The following VAPB variants were observed in gnomAD, a reference collection of about 807,000 sequenced individuals.
The protein encoded by VAPB is VAMP associated protein B and C.
A neutral mutation model predicts 25.6 loss-of-function variants in VAPB; 7 were observed. That is an observed-to-expected ratio of 0.27 (90% CI 0.16 to 0.51). The LOEUF is 0.51. Ranked by LOEUF, VAPB falls within the 20% of genes least tolerant of loss-of-function variation. The pLI is 0.97. For synonymous variants in VAPB, 112 were observed against 109.2 expected (o/e 1.03, Z -0.16); for missense variants, 266 against 301.3 (o/e 0.88, Z 0.87).
chr20:58,441,452 C>T (rs368785741), intron 5 of VAPB, among the ~76,000 whole-genome samples: 9 of 152,278 alleles, frequency 5.9e-5, no homozygotes, highest in East Asian at 1.9e-4. Context: ...CCAGCCTGGC[C>T]AACAAAGTGA....
In VAPB at chr20:58,446,266, T is replaced by G; in HGVS notation, c.*2031T>G. 2.2e-6 allele frequency: 1 copy of G among 454,108 alleles called. No homozygotes were observed. The highest frequency in any genetic ancestry group is 4.4e-6 in the Non-Finnish European group (1 of 226,796). The allele number at this position is 454,108 out of a possible 1,614,324, so 28.1% of individuals were successfully genotyped here. On this transcript the variant is annotated 3_prime_UTR_variant, in exon 6 of 6. Coordinates refer to ENST00000475243, the MANE Select transcript of VAPB (RefSeq NM_004738.5). Reference sequence around the variant, plus strand: ...AAGACCGAGCTGTAAGGCATGTGCCTTCTGCCACCTGACTTTCCGTGAGGG... The same window carrying G: ...AAGACCGAGCTGTAAGGCATGTGCCGTCTGCCACCTGACTTTCCGTGAGGG...
chr20:58,414,567 C>CT, intron 1 of VAPB, among the ~76,000 whole-genome samples: 1 of 148,760 alleles, frequency 6.7e-6, no homozygotes, highest in South Asian at 2.1e-4. Flanking sequence ...CGGGCAGAGG[C>CT]GCTCCTCACA....
intron 1 of VAPB, among the ~76,000 whole-genome samples, chr20:58,404,285 C>T (rs56309338): frequency 0.11 from 16,478 of 152,228 alleles, 997 homozygotes; most frequent in Middle Eastern, 0.17. Context: ...CGCATCTTTC[C>T]AGCCTCAGCT....
At chr20:58,416,137 A>G (rs915544897) in intron 1 of VAPB, among the ~76,000 whole-genome samples, 9 of 152,160 alleles carry the variant, frequency 5.9e-5, no homozygotes, top group Non-Finnish European at 1.3e-4. Context: ...TGGAGGGAGA[A>G]ATCTGGGATG....
chr20:58,424,167 G>C (rs996003002), intron 2 of VAPB, among the ~76,000 whole-genome samples: 3 of 152,162 alleles, frequency 2.0e-5, no homozygotes, highest in African/African-American at 7.2e-5. Context: ...GAAGCCAAAA[G>C]TGATTTTCTT....
At chr20:58,440,872 C>T (rs766739004) in intron 4 of VAPB, 35 bp from the exon 5 acceptor site, 24 of 1,602,794 alleles carry the variant, frequency 1.5e-5, no homozygotes, top group East Asian at 1.3e-4. Flanking sequence ...ATTACATGGT[C>T]GGTGACACTT....
chr20:58,447,056 G>A lies in VAPB; in HGVS notation c.*2821G>A. The A allele has an allele frequency of 2.2e-6, 1 of 454,074 alleles. No homozygotes were observed. The highest frequency in any genetic ancestry group is 4.4e-6 in the Non-Finnish European group (1 of 226,762). The allele number at this position is 454,074 out of a possible 1,614,324, so 28.1% of individuals were successfully genotyped here. On this transcript the variant is annotated 3_prime_UTR_variant, in exon 6 of 6. Transcript: ENST00000475243. The stretch of plus-strand genomic sequence containing the variant: ...GAGGATGCCGCTGGGCAGTGTGCAT[G>A]GGGGAGCTGCTGCCAGGCTGCCCTC...
intron 1 of VAPB, among the ~76,000 whole-genome samples, chr20:58,416,736 A>G (rs150649007): frequency 1.9e-3 from 286 of 151,120 alleles, no homozygotes; most frequent in African/African-American, 6.6e-3. Flanking sequence ...CTTAATTTGT[A>G]TTAAGGTAAG....
chr20:58,440,940 A>G lies in VAPB; in HGVS notation c.430A>G (p.Thr144Ala). Residue 144 changes from threonine (T) to alanine (A), a missense_variant, in exon 5 of 6, where the codon ACT becomes GCT. Around this residue, in one of 3 missense-constraint regions of VAPB, gnomAD observed 136 missense variants for 130.7 expected, o/e 1.04. Coordinates refer to ENST00000475243, the MANE Select transcript of VAPB (RefSeq NM_004738.5). The stretch of plus-strand genomic sequence containing the variant: ...AGAAATAAATAAAATTATATCCACA[A>G]CTGCATCAAAGACAGAAACACCAAT... ...DVEINKIIST[T>A]ASKTETPIVS... The G allele has an allele frequency of 6.2e-7, 1 of 1,614,008 alleles. No homozygotes were observed. The highest frequency in any genetic ancestry group is 8.5e-7 in the Non-Finnish European group (1 of 1,179,952).
chr20:58,432,075 GT>G (rs1988940020), intron 2 of VAPB, among the ~76,000 whole-genome samples: 1 of 152,148 alleles, frequency 6.6e-6, no homozygotes, highest in South Asian at 2.1e-4. Flanking sequence ...GGAAGGACCT[GT>G]TTTCCCTTGG....
chr20:58,390,805 A>G (rs1239323915), intron 1 of VAPB, among the ~76,000 whole-genome samples: 1 of 152,190 alleles, frequency 6.6e-6, no homozygotes, highest in Admixed American at 6.5e-5. Flanking sequence ...CAAATGGTAC[A>G]TTTGAACCCA....
At position 58,409,376 on chromosome 20, in the gene VAPB, A is replaced by G. The variant is rs536179795; in HGVS notation, c.59-8835A>G. On this transcript the variant is annotated intron_variant, in intron 1 of 5. Transcript: ENST00000475243. The stretch of plus-strand genomic sequence containing the variant: ...TAAAAATATTAATAAGATATCCAAC[A>G]GATTTTGCTTTAGAATGTCCGTGTC... 3.3e-5 allele frequency among the ~76,000 whole-genome samples: 5 copies of G among 152,352 alleles called. No homozygotes were observed. In the South Asian group the frequency reaches 1.0e-3, roughly 32 times the overall value.
intron 1 of VAPB, among the ~76,000 whole-genome samples, chr20:58,408,053 G>A (rs1480792722): frequency 6.6e-6 from 1 of 152,124 alleles, no homozygotes; most frequent in African/African-American, 2.4e-5. Context: ...GGAGGTGGTG[G>A]CAGGCTGAGT....
intron 1 of VAPB, among the ~76,000 whole-genome samples, chr20:58,408,924 G>A (rs1386371402): frequency 7.2e-6 from 1 of 138,126 alleles, no homozygotes; most frequent in Non-Finnish European, 1.5e-5. Context: ...CACTCCATGT[G>A]GAAACAGGAA....
intron 5 of VAPB, among the ~76,000 whole-genome samples, chr20:58,442,239 TCTTC>T (rs2123102102): frequency 6.6e-6 from 1 of 152,312 alleles, no homozygotes; most frequent in African/African-American, 2.4e-5. Flanking sequence ...GGCATCATCT[TCTTC>T]CTTTGCAGTG....
chr20:58,404,629 A>G (rs1200869462), intron 1 of VAPB, among the ~76,000 whole-genome samples: 2 of 152,260 alleles, frequency 1.3e-5, no homozygotes, highest in African/African-American at 4.8e-5. Flanking sequence ...TCTGTGCCTC[A>G]AATTTCTCCC....
intron 5 of VAPB, 86 bp downstream of exon 5, chr20:58,441,169 A>C: frequency 7.0e-7 from 1 of 1,431,282 alleles, no homozygotes; most frequent in Non-Finnish European, 9.7e-7. Flanking sequence ...GCCAGTGAAT[A>C]TATAGATTTC....
rs571151185 is a variant in VAPB at position 58,449,204 on chromosome 20, A to G, written c.*4969A>G. The G allele has an allele frequency of 1.0e-4, 46 of 454,000 alleles. No individual in the cohort carries two copies. Among genetic ancestry groups the G allele is most frequent in the Non-Finnish European group, 2.0e-4 (45 of 226,802 alleles). 28.1% of individuals were successfully genotyped at this position (454,000 alleles called of 1,614,324 possible). On this transcript the variant is annotated 3_prime_UTR_variant, in exon 6 of 6. Transcript: ENST00000475243. ...CTGAATCCCATTAGCCACAGCCTAG[A>G]ACATTAGCTGAGCTGCACAAGCTCA...
chr20:58,402,449 T>G (rs757593061), intron 1 of VAPB, among the ~76,000 whole-genome samples: 11 of 152,202 alleles, frequency 7.2e-5, no homozygotes, highest in Non-Finnish European at 1.5e-4. Flanking sequence ...TGTCCTGACA[T>G]TCTTCACTCA....
Sources: allele counts gnomAD v4.1 joint callset (sites outside exome capture counted in the v4.1 genomes callset), GRCh38; gene constraint gnomAD v4.1.1; regional missense constraint gnomAD v4.1.1; transcripts MANE v1.5; gene names NCBI Gene and HGNC (gene_info 2026-07-23, HGNC 2026-07-21).